PACRG: variants seen among roughly 807,000 people sequenced by gnomAD.
PACRG encodes parkin coregulated.
In PACRG, 29 loss-of-function variants were observed where a neutral mutation model predicts 29.7. That is an observed-to-expected ratio of 0.98 (90% CI 0.73 to 1.33). The LOEUF (loss-of-function observed/expected upper bound fraction) is 1.33. Among genes scored for constraint, PACRG ranks in the 40% most tolerant of loss-of-function variants. PACRG has a pLI of 0.00. For missense variants in PACRG, 279 were observed against 316.2 expected, an observed-to-expected ratio of 0.88 and a Z score of 0.89; for synonymous variants, 116 against 118.7, an observed-to-expected ratio of 0.98 and a Z score of 0.15.
At chr6:162,730,263 C>G (rs549383477) in intron 1 of PACRG, among the ~76,000 whole-genome samples, 1 of 152,152 alleles carries the variant, frequency 6.6e-6, no homozygotes, top group South Asian at 2.1e-4. Context: ...ATTTCATAAC[C>G]AATATTTACA....
chr6:163,199,828 G>A (rs1458100822), intron 4 of PACRG, among the ~76,000 whole-genome samples: 2 of 152,190 alleles, frequency 1.3e-5, no homozygotes, highest in African/African-American at 4.8e-5. Context: ...GTTTGTGTAT[G>A]TGTACAGATA....
At chr6:162,878,742 C>T (rs1372187060) in intron 2 of PACRG, among the ~76,000 whole-genome samples, 1 of 152,168 alleles carries the variant, frequency 6.6e-6, no homozygotes, top group African/African-American at 2.4e-5. Context: ...ATTTAAAAAT[C>T]CTCTGATTTC....
chr6:162,899,162 C>A (rs1389634988), intron 2 of PACRG, among the ~76,000 whole-genome samples: 3 of 152,092 alleles, frequency 2.0e-5, no homozygotes, highest in African/African-American at 7.2e-5. Context: ...AGGGGTTTTG[C>A]AATTCTTTGG....
intron 4 of PACRG, among the ~76,000 whole-genome samples, chr6:163,281,256 C>T (rs906672266): frequency 7.9e-5 from 12 of 152,206 alleles, no homozygotes; most frequent in African/African-American, 1.9e-4. Flanking sequence ...GCTCAAGAAA[C>T]GGCAGCAAGG....
At chr6:162,947,582 TC>T (rs1799241924) in intron 2 of PACRG, among the ~76,000 whole-genome samples, 1 of 17,168 alleles carries the variant, frequency 5.8e-5, no homozygotes, top group Non-Finnish European at 1.4e-4. Flanking sequence ...TCATATATAA[TC>T]ATATATATAA....
At chr6:162,768,061 T>C (rs1172282974) in intron 1 of PACRG, among the ~76,000 whole-genome samples, 2 of 152,098 alleles carry the variant, frequency 1.3e-5, no homozygotes, top group Non-Finnish European at 2.9e-5. Flanking sequence ...ATGTTTAGCA[T>C]TGTATTTGCA....
At chr6:162,745,238 C>T (rs1335615744) in intron 1 of PACRG, among the ~76,000 whole-genome samples, 1 of 152,110 alleles carries the variant, frequency 6.6e-6, no homozygotes, top group Non-Finnish European at 1.5e-5. Flanking sequence ...TTTGCAAGGA[C>T]ACAGATGAAG....
In PACRG at chr6:163,025,763, C is replaced by G. The variant is rs191381497; in HGVS notation, c.292-36387C>G. The stretch of plus-strand genomic sequence containing the variant: ...GTTCCCAACAGGATTCTGGGGCCTG[C>G]AGTTCTTTCCACGCAGCCTCAGAGC... On this transcript the variant is annotated intron_variant, in intron 2 of 4. Coordinates refer to ENST00000366888, the MANE Select transcript of PACRG (RefSeq NM_001080379.2). 7.9e-4 allele frequency among the ~76,000 whole-genome samples: 120 copies of G among 152,348 alleles called. 2 individuals are homozygous for G. In the East Asian group the frequency reaches 0.02, roughly 26 times the overall value.
intron 2 of PACRG, among the ~76,000 whole-genome samples, chr6:162,857,330 T>C (rs974457635): frequency 6.6e-6 from 1 of 152,230 alleles, no homozygotes; most frequent in African/African-American, 2.4e-5. Flanking sequence ...TAAGCCATTG[T>C]CCTCATTAAG....
intron 4 of PACRG, among the ~76,000 whole-genome samples, chr6:163,304,783 T>C (rs1785133823): frequency 6.6e-6 from 1 of 152,084 alleles, no homozygotes; most frequent in Non-Finnish European, 1.5e-5. Flanking sequence ...GAGGTCCCAC[T>C]GTGGAGGAGA....
At chr6:162,987,434 C>A (rs1802999020) in intron 2 of PACRG, among the ~76,000 whole-genome samples, 1 of 152,126 alleles carries the variant, frequency 6.6e-6, no homozygotes, top group African/African-American at 2.4e-5. Context: ...TTGTAGCTCC[C>A]ATAATCTCCA....
chr6:163,061,976 A>G (rs753932602), intron 2 of PACRG, among the ~76,000 whole-genome samples, 174 bp from the exon 3 acceptor site: 14 of 152,202 alleles, frequency 9.2e-5, no homozygotes, highest in Non-Finnish European at 1.8e-4. Context: ...CTCATTGCTC[A>G]TTGATTCAGG....
At position 162,814,215 on chromosome 6, in the gene PACRG, C is replaced by T; in HGVS notation, c.225C>T (p.Phe75=). Residue 75 remains phenylalanine, a synonymous_variant, in exon 2 of 5, where the codon TTC becomes TTT. Transcript: ENST00000366888. ...RPTKPTAFRK[F]YERGDFPIAL... ...CCAAGCCCACAGCATTTCGAAAATTCTATGAGCGAGGTGACTTCCCAATTG... is the reference window on the plus strand; with the variant it reads ...CCAAGCCCACAGCATTTCGAAAATTTTATGAGCGAGGTGACTTCCCAATTG... 6.2e-7 allele frequency: 1 copy of T among 1,613,820 alleles called. No individual in the cohort carries two copies. Among genetic ancestry groups the T allele is most frequent in the South Asian group, 1.1e-5 (1 of 91,058 alleles).
intron 4 of PACRG, among the ~76,000 whole-genome samples, chr6:163,283,807 CAAAA>C (rs11342579): frequency 3.0e-5 from 3 of 100,284 alleles, no homozygotes; most frequent in Admixed American, 1.1e-4. Flanking sequence ...GACTCCGTCT[CAAAA>C]AAAAAAAAAA....
chr6:162,976,737 T>C (rs2128166532), intron 2 of PACRG, among the ~76,000 whole-genome samples: 1 of 152,270 alleles, frequency 6.6e-6, no homozygotes, highest in South Asian at 2.1e-4. Flanking sequence ...TATTTTCTTA[T>C]AGAAATATAC....
chr6:163,022,484 G>A (rs1174346570), intron 2 of PACRG, among the ~76,000 whole-genome samples: 3 of 152,178 alleles, frequency 2.0e-5, no homozygotes, highest in Non-Finnish European at 4.4e-5. Context: ...AGCAGCTAGG[G>A]ACCCCTTGGT....
intron 4 of PACRG, among the ~76,000 whole-genome samples, chr6:163,120,500 C>G (rs1313604704): frequency 6.6e-6 from 1 of 152,166 alleles, no homozygotes; most frequent in Admixed American, 6.5e-5. Context: ...CCACACTGCA[C>G]AGAGGGGCAG....
upstream of PACRG, chr6:162,727,339 A>AGGTGAGGGGCGGCGGCGGGGCGAC: frequency 7.9e-6 from 3 of 378,768 alleles, no homozygotes; most frequent in East Asian, 4.9e-5. Flanking sequence ...GGCGGGGAGA[A>AGGTGAGGGGCGGCGGCGGGGCGAC]GGCTTCGGGA....
intron 3 of PACRG, among the ~76,000 whole-genome samples, chr6:163,074,952 C>T (rs1442372849): frequency 2.6e-5 from 4 of 152,034 alleles, no homozygotes. Context: ...TGTGATTGGG[C>T]ACTGCACTCC....
Sources: gnomAD v4.1 joint callset for allele counts (sites outside exome capture counted in the v4.1 genomes callset) on GRCh38, gnomAD v4.1.1 for gene constraint, MANE v1.5 for transcripts, NCBI Gene and HGNC (gene_info 2026-07-23, HGNC 2026-07-21) for gene names.